Variants in CDH4 observed in about 807,000 individuals in gnomAD.
CDH4 encodes cadherin 4.
In CDH4, 33 loss-of-function variants were observed where a neutral mutation model predicts 86.0. The ratio of observed to expected loss-of-function variants is 0.38; its 90% CI spans 0.29 to 0.51. The LOEUF is 0.51. CDH4 is among the 20% of genes least tolerant of loss of function. The pLI, the probability that CDH4 is intolerant of heterozygous loss-of-function variation, is 0.86. For synonymous variants in CDH4, 555 were observed against 549.4 expected (o/e 1.01, Z -0.14); for missense variants, 1,114 against 1,307.4 (o/e 0.85, Z 2.28).
chr20:61,473,562 A>G (rs1051834098), intron 2 of CDH4, among the ~76,000 whole-genome samples: 2 of 152,178 alleles, frequency 1.3e-5, no homozygotes, highest in African/African-American at 4.8e-5. Flanking sequence ...TAACCAATAG[A>G]ACCATAATTT....
At chr20:61,361,152 C>T (rs758906554) in intron 2 of CDH4, among the ~76,000 whole-genome samples, 2 of 152,136 alleles carry the variant, frequency 1.3e-5, no homozygotes, top group African/African-American at 2.4e-5. Context: ...GACTCTCAGG[C>T]TGAGACTGAG....
At chr20:61,390,281 G>A (rs1243351655) in intron 2 of CDH4, among the ~76,000 whole-genome samples, 9 of 145,314 alleles carry the variant, frequency 6.2e-5, no homozygotes, top group South Asian at 4.6e-4. Flanking sequence ...TGCCCATAGT[G>A]CCGTGTCTGG....
rs780835006 is a variant in CDH4, at chr20:61,751,097, G to A, written c.396+7308G>A. Reference sequence around the variant, plus strand: ...AGCAGATTTTTTGTTTGCTCGTTTCGGGAAGAGTAAAGAGCTGACTTAAAA... The same window carrying A: ...AGCAGATTTTTTGTTTGCTCGTTTCAGGAAGAGTAAAGAGCTGACTTAAAA... On this transcript the variant is annotated intron_variant, in intron 3 of 15. Coordinates refer to ENST00000614565, the MANE Select transcript of CDH4 (RefSeq NM_001794.5). Among the ~76,000 whole-genome samples, 18 of 152,118 alleles carry A rather than the reference G, an allele frequency of 1.2e-4. 1 individual carries two copies. The highest frequency in any genetic ancestry group is 4.6e-4 in the Admixed American group (7 of 15,266).
intron 2 of CDH4, among the ~76,000 whole-genome samples, chr20:61,357,801 G>T (rs1254238573): frequency 6.6e-6 from 1 of 152,190 alleles, no homozygotes; most frequent in Non-Finnish European, 1.5e-5. Flanking sequence ...GCAGACCCGT[G>T]TGCCAGCCAG....
intron 2 of CDH4, among the ~76,000 whole-genome samples, chr20:61,442,784 T>C (rs999328008): frequency 8.5e-5 from 13 of 152,194 alleles, no homozygotes; most frequent in African/African-American, 3.1e-4. Flanking sequence ...TTTATGCTGA[T>C]AAAAAAATAC....
intron 2 of CDH4, among the ~76,000 whole-genome samples, chr20:61,632,025 CG>C (rs1364882509): frequency 6.6e-6 from 1 of 152,248 alleles, no homozygotes; most frequent in Non-Finnish European, 1.5e-5. Flanking sequence ...AAGTGGCTGT[CG>C]GGATGATGCC....
chr20:61,384,028 A>C (rs538715704), intron 2 of CDH4, among the ~76,000 whole-genome samples: 2 of 152,150 alleles, frequency 1.3e-5, no homozygotes, highest in South Asian at 4.2e-4. Context: ...GGAAGCATTC[A>C]GCACGGGAGA....
intron 3 of CDH4, among the ~76,000 whole-genome samples, chr20:61,744,845 G>A (rs1480040958): frequency 1.3e-5 from 2 of 152,210 alleles, no homozygotes; most frequent in Non-Finnish European, 2.9e-5. Context: ...TGACGGGGAA[G>A]TGGCCAGGTC....
At chr20:61,723,272 A>G (rs1348039418) in intron 2 of CDH4, among the ~76,000 whole-genome samples, 2 of 152,192 alleles carry the variant, frequency 1.3e-5, no homozygotes, top group Non-Finnish European at 2.9e-5. Flanking sequence ...GCCCAAGGGC[A>G]GCCTCACTGG....
At chr20:61,282,798 A>G (rs2123166019) in intron 2 of CDH4, among the ~76,000 whole-genome samples, 2 of 152,096 alleles carry the variant, frequency 1.3e-5, no homozygotes, top group African/African-American at 4.8e-5. Context: ...GGAGTGCATG[A>G]GAGTGGTGCA....
chr20:61,448,251 A>G (rs2085362979), intron 2 of CDH4, among the ~76,000 whole-genome samples: 1 of 152,228 alleles, frequency 6.6e-6, no homozygotes, highest in African/African-American at 2.4e-5. Flanking sequence ...TTGTTTTTAC[A>G]TTCTGCTGAC....
intron 2 of CDH4, among the ~76,000 whole-genome samples, chr20:61,592,384 C>A (rs903748956): frequency 6.6e-6 from 1 of 152,094 alleles, no homozygotes; most frequent in Non-Finnish European, 1.5e-5. Context: ...TCCACAGGGG[C>A]GCCCGTCATC....
intron 2 of CDH4, among the ~76,000 whole-genome samples, chr20:61,733,571 A>G (rs1379149375): frequency 6.6e-6 from 1 of 151,974 alleles, no homozygotes; most frequent in Non-Finnish European, 1.5e-5. Context: ...CCACCACACT[A>G]CATGCCATGT....
chr20:61,792,879 G>A (rs562131681), intron 4 of CDH4, among the ~76,000 whole-genome samples: 11 of 152,268 alleles, frequency 7.2e-5, no homozygotes, highest in African/African-American at 2.4e-4. Flanking sequence ...TTGAACTCCC[G>A]ACCTTGTGAT....
intron 14 of CDH4, 140 bp downstream of exon 14, chr20:61,933,264 G>A (rs1425434777): frequency 1.4e-5 from 15 of 1,089,192 alleles, no homozygotes; most frequent in East Asian, 5.2e-5. Context: ...AGGGGCGCAC[G>A]GTTTCCTAGC....
At chr20:61,337,100 C>T (rs565045118) in intron 2 of CDH4, among the ~76,000 whole-genome samples, 1 of 152,102 alleles carries the variant, frequency 6.6e-6, no homozygotes, top group South Asian at 2.1e-4. Context: ...TGTTCCTGAA[C>T]AAGCTGCTTT....
intron 2 of CDH4, among the ~76,000 whole-genome samples, chr20:61,376,778 C>T (rs1416379686): frequency 3.3e-5 from 5 of 152,206 alleles, no homozygotes; most frequent in Non-Finnish European, 5.9e-5. Context: ...TCCCATGCTA[C>T]AGGTGAGGGA....
chr20:61,878,534 C>G (rs1025314259), intron 7 of CDH4, among the ~76,000 whole-genome samples: 1 of 152,260 alleles, frequency 6.6e-6, no homozygotes, highest in Non-Finnish European at 1.5e-5. Context: ...GCCTCCAGCA[C>G]GCAGCAGCCA....
chr20:61,563,995 C>A (rs1458871186), intron 2 of CDH4, among the ~76,000 whole-genome samples: 1 of 152,180 alleles, frequency 6.6e-6, no homozygotes, highest in African/African-American at 2.4e-5. Flanking sequence ...ATTCTGCCCT[C>A]TCCTTCCCTC....
Sources: allele counts gnomAD v4.1 joint callset (sites outside exome capture counted in the v4.1 genomes callset), GRCh38; gene constraint gnomAD v4.1.1; transcripts MANE v1.5; gene names NCBI Gene and HGNC (gene_info 2026-07-23, HGNC 2026-07-21).